Variants in CIT observed in about 807,000 individuals in gnomAD.
CIT encodes citron rho-interacting serine/threonine kinase, also known as citron Rho-interacting kinase.
A neutral mutation model predicts 272.7 loss-of-function variants in CIT; 79 were observed. The ratio of observed to expected loss-of-function variants is 0.29; its 90% CI spans 0.24 to 0.35. CIT has a LOEUF of 0.35. CIT is among the 10% of genes least tolerant of loss of function. The pLI is 1.00. For missense variants in CIT, 1,909 were observed against 2,618.3 expected, an observed-to-expected ratio of 0.73 and a Z score of 5.91; for synonymous variants, 948 against 995.6, an observed-to-expected ratio of 0.95 and a Z score of 0.90.
chr12:119,842,587 T>C (rs933060770), intron 5 of CIT, among the ~76,000 whole-genome samples: 2 of 152,074 alleles, frequency 1.3e-5, no homozygotes, highest in Non-Finnish European at 2.9e-5. Flanking sequence ...AGCTTTGTTA[T>C]ATAGAACCAG....
At chr12:119,831,853 G>C (rs1413904318) in intron 7 of CIT, among the ~76,000 whole-genome samples, 1 of 152,132 alleles carries the variant, frequency 6.6e-6, no homozygotes, top group Non-Finnish European at 1.5e-5. Context: ...CTGGGGGACA[G>C]AGCGAGACTC....
At chr12:119,874,746 C>T (rs1014033210) in intron 2 of CIT, among the ~76,000 whole-genome samples, 10 of 151,772 alleles carry the variant, frequency 6.6e-5, no homozygotes, top group Admixed American at 4.6e-4. Flanking sequence ...ATTAGCCGGG[C>T]GAGGTGACGG....
chr12:119,702,878 T>C (rs921370298), intron 41 of CIT, among the ~76,000 whole-genome samples: 2 of 148,406 alleles, frequency 1.3e-5, no homozygotes, highest in Non-Finnish European at 2.9e-5. Flanking sequence ...GAACCTATAT[T>C]ACCTATGCAG....
At chr12:119,702,442 T>C (rs910324298) in intron 41 of CIT, among the ~76,000 whole-genome samples, 16 of 151,978 alleles carry the variant, frequency 1.1e-4, no homozygotes, top group African/African-American at 3.6e-4. Context: ...TCCCAGCACT[T>C]TGGGAGGCTG....
At chr12:119,757,286 GAT>G in intron 22 of CIT, 83 bp downstream of exon 22, 3 of 1,512,606 alleles carry the variant, frequency 2.0e-6, no homozygotes, top group Middle Eastern at 2.4e-4. Flanking sequence ...CTCTTGTATA[GAT>G]ATTGATTTGT....
At chr12:119,753,569 T>C (rs1471273569) in intron 22 of CIT, among the ~76,000 whole-genome samples, 2 of 151,832 alleles carry the variant, frequency 1.3e-5, no homozygotes, top group Non-Finnish European at 2.9e-5. Context: ...ACCCCATCTC[T>C]ACTAAAAATA....
intron 2 of CIT, 53 bp downstream of exon 2, chr12:119,876,020 G>T: frequency 9.4e-7 from 1 of 1,066,410 alleles, no homozygotes; most frequent in Non-Finnish European, 1.4e-6. Flanking sequence ...TGAGTGACAA[G>T]GAGATTCCAA....
At position 119,784,168 on chromosome 12, in the gene CIT, G is replaced by A; in HGVS notation, c.1402-117C>T. 2.5e-6 allele frequency: 4 copies of A among 1,610,454 alleles called. No homozygotes were observed. Among genetic ancestry groups the A allele is most frequent in the Non-Finnish European group, 3.4e-6 (4 of 1,178,006 alleles). On this transcript the variant is annotated intron_variant, in intron 11 of 47. Coordinates refer to ENST00000392521, the MANE Select transcript of CIT (RefSeq NM_001206999.2). This position sits in a 1 kb window ranked among gnomAD's most constrained non-coding sequence, Gnocchi z 4.7. ...CTGGGCTAAGGCTAATTCGCCAAAA[G>A]TTAAGTTGGGATGGAAATACCATTG...
At chr12:119,715,342 A>G (rs1156902781) in intron 32 of CIT, among the ~76,000 whole-genome samples, 1 of 152,254 alleles carries the variant, frequency 6.6e-6, no homozygotes, top group Non-Finnish European at 1.5e-5. Context: ...ATGGAGTATT[A>G]TTCAGCCATG....
At chr12:119,746,859 C>T (rs1160493959) in intron 23 of CIT, among the ~76,000 whole-genome samples, 3 of 152,092 alleles carry the variant, frequency 2.0e-5, no homozygotes, top group African/African-American at 7.2e-5. Flanking sequence ...GAACTAGTCA[C>T]AGTAAGAAAA....
chr12:119,690,143 T>A lies in CIT; in HGVS notation c.6186+8A>T, dbSNP rs1318200397. 6.9e-7 allele frequency: 1 copy of A among 1,458,390 alleles called. No individual in the cohort carries two copies. Among genetic ancestry groups the A allele is most frequent in the South Asian group, 1.5e-5 (1 of 64,918 alleles). 90.3% of individuals were successfully genotyped at this position (1,458,390 alleles called of 1,614,324 possible). A position where few individuals can be genotyped will look rare whatever the true frequency, so the allele number is the denominator to read the frequency against. On this transcript the variant is annotated splice_region_variant and intron_variant, in intron 47 of 47. Coordinates refer to ENST00000392521, the MANE Select transcript of CIT (RefSeq NM_001206999.2). The surrounding 1 kb of genome is among the most constrained non-coding windows in gnomAD (Gnocchi z 6.0). Reference sequence around the variant, plus strand: ...AACAGACACACAGGCCTCGGAATGCTGCCTCACCTTGTTCACCTGGGACAG... The same window carrying A: ...AACAGACACACAGGCCTCGGAATGCAGCCTCACCTTGTTCACCTGGGACAG...
chr12:119,874,713 C>T (rs141418299), intron 2 of CIT, among the ~76,000 whole-genome samples: 2,102 of 151,868 alleles, frequency 0.014, 47 homozygotes, highest in African/African-American at 0.049. Flanking sequence ...AGTGAAACCC[C>T]GTCTCTACTA....
At position 119,694,233 on chromosome 12, in the gene CIT, C is replaced by T. The variant is rs1956107260; in HGVS notation, c.5882+3426G>A. The stretch of plus-strand genomic sequence containing the variant: ...ATCCACATCAGCCATCACCCATTCA[C>T]CCACACTTTTCTAGGAATTTATCCT... On this transcript the variant is annotated intron_variant, in intron 46 of 47. Transcript: ENST00000392521. This position sits in a 1 kb window ranked among gnomAD's most constrained non-coding sequence, Gnocchi z 4.5. 2.0e-5 allele frequency among the ~76,000 whole-genome samples: 3 copies of T among 152,166 alleles called. No individual in the cohort carries two copies. Among genetic ancestry groups the T allele is most frequent in the African/African-American group, 7.2e-5 (3 of 41,440 alleles).
At chr12:119,832,639 T>C (rs1968719291) in intron 7 of CIT, 132 bp downstream of exon 7, 3 of 662,148 alleles carry the variant, frequency 4.5e-6, no homozygotes. Flanking sequence ...TGTGTCCCTG[T>C]CCCCACCCCC....
intron 17 of CIT, among the ~76,000 whole-genome samples, 177 bp from the exon 18 acceptor site, chr12:119,771,087 G>C (rs1330567100): frequency 6.6e-6 from 1 of 152,196 alleles, no homozygotes; most frequent in Non-Finnish European, 1.5e-5. Flanking sequence ...CAGTTGTGTA[G>C]GTTACAAGAG....
intron 16 of CIT, 110 bp downstream of exon 16, chr12:119,775,676 G>A (rs972044227): frequency 1.0e-5 from 8 of 784,276 alleles, no homozygotes; most frequent in Non-Finnish European, 1.3e-5. Flanking sequence ...TTTCCTCAGC[G>A]CTGGGTGACT....
intron 10 of CIT, among the ~76,000 whole-genome samples, chr12:119,792,491 G>A (rs1295496809): frequency 6.6e-6 from 1 of 152,098 alleles, no homozygotes; most frequent in Non-Finnish European, 1.5e-5. Context: ...TTTATTTAGA[G>A]ATGGAGTCTT....
At chr12:119,838,222 G>A (rs949805509) in intron 5 of CIT, among the ~76,000 whole-genome samples, 4 of 151,862 alleles carry the variant, frequency 2.6e-5, no homozygotes, top group Admixed American at 2.0e-4. Context: ...ACAGGCATGC[G>A]CCACCATGCC....
Position 119,694,289 on chromosome 12 carries a change from G to A in CIT, c.5882+3370C>T, listed in dbSNP as rs1326254072. Among the ~76,000 whole-genome samples, 2 of 152,154 alleles carry A rather than the reference G, an allele frequency of 1.3e-5. No individual in the cohort carries two copies. Among genetic ancestry groups the A allele is most frequent in the East Asian group, 1.9e-4 (1 of 5,192 alleles). ...TAGATTCCTCAGCATGTAAAATGAC[G>A]TAAGGAGAAAGTCATTTATTGCAGC... On this transcript the variant is annotated intron_variant, in intron 46 of 47. Transcript: ENST00000392521. The surrounding 1 kb of genome is among the most constrained non-coding windows in gnomAD (Gnocchi z 4.5).
Sources: gnomAD v4.1 joint callset for allele counts (sites outside exome capture counted in the v4.1 genomes callset) on GRCh38, gnomAD v4.1.1 for gene constraint, Gnocchi (gnomAD v3.1) non-coding constraint, MANE v1.5 for transcripts, NCBI Gene and HGNC (gene_info 2026-07-23, HGNC 2026-07-21) for gene names.